The following SH3PXD2A variants were observed in gnomAD, a reference collection of about 807,000 sequenced individuals.
SH3PXD2A encodes the protein SH3 and PX domains 2A.
A neutral mutation model predicts 115.2 loss-of-function variants in SH3PXD2A; 32 were observed. The observed-to-expected ratio is 0.28, with a 90% CI of 0.21 to 0.37. The LOEUF (loss-of-function observed/expected upper bound fraction) is 0.37. Among genes scored for constraint, SH3PXD2A ranks in the 10% least tolerant of loss-of-function variants. The probability of loss-of-function intolerance (pLI) is 1.00; values close to 1 mark genes in which losing one functional copy is unlikely to be tolerated. For synonymous variants in SH3PXD2A, 610 were observed against 629.1 expected, an observed-to-expected ratio of 0.97 and a Z score of 0.45; for missense variants, 1,328 against 1,498.7, an observed-to-expected ratio of 0.89 and a Z score of 1.88.
At chr10:103,733,228 C>T (rs1327080726) in intron 4 of SH3PXD2A, among the ~76,000 whole-genome samples, 1 of 152,170 alleles carries the variant, frequency 6.6e-6, no homozygotes, top group Admixed American at 6.5e-5. Context: ...CCCCCAGCTA[C>T]GCGTGGTACA....
chr10:103,811,231 G>C (rs2039267744), intron 1 of SH3PXD2A, among the ~76,000 whole-genome samples: 1 of 152,192 alleles, frequency 6.6e-6, no homozygotes, highest in Non-Finnish European at 1.5e-5. Flanking sequence ...CCTTTCAAAA[G>C]TTAGGCAGTC....
At chr10:103,710,514 C>A (rs1410022592) in intron 5 of SH3PXD2A, among the ~76,000 whole-genome samples, 1 of 152,134 alleles carries the variant, frequency 6.6e-6, no homozygotes, top group South Asian at 2.1e-4. Flanking sequence ...CTATTTTACT[C>A]CTGGGGGAAC....
At chr10:103,660,729 C>T (rs190107080) in intron 8 of SH3PXD2A, among the ~76,000 whole-genome samples, 105 of 152,350 alleles carry the variant, frequency 6.9e-4, no homozygotes, top group African/African-American at 2.4e-3. Context: ...TTTATTCCCG[C>T]GCTGTGCCTG....
At chr10:103,794,581 G>A (rs2039068956) in intron 2 of SH3PXD2A, among the ~76,000 whole-genome samples, 1 of 152,202 alleles carries the variant, frequency 6.6e-6, no homozygotes, top group Non-Finnish European at 1.5e-5. Context: ...CCACCCGTGA[G>A]AAAGCAACTG....
At chr10:103,656,009 T>G (rs749645526) in intron 8 of SH3PXD2A, among the ~76,000 whole-genome samples, 2 of 152,206 alleles carry the variant, frequency 1.3e-5, no homozygotes. Flanking sequence ...AGAAAGCCCA[T>G]GTAGTATGTA....
intron 13 of SH3PXD2A, 141 bp from the exon 14 acceptor site, chr10:103,606,058 C>T (rs1033393428): frequency 4.5e-5 from 34 of 758,536 alleles, no homozygotes; most frequent in Non-Finnish European, 6.9e-5. Flanking sequence ...GAGTACGTAT[C>T]TATCATGGGA....
chr10:103,721,357 C>A (rs894095690), intron 5 of SH3PXD2A, among the ~76,000 whole-genome samples: 1 of 152,246 alleles, frequency 6.6e-6, no homozygotes, highest in Non-Finnish European at 1.5e-5. Context: ...GCCCCAGAGC[C>A]TGGCCCCACA....
intron 2 of SH3PXD2A, among the ~76,000 whole-genome samples, chr10:103,797,626 C>T (rs971853669): frequency 6.6e-6 from 1 of 150,794 alleles, no homozygotes; most frequent in African/African-American, 2.4e-5. Context: ...GATCTACATG[C>T]AGGGCTTCAC....
chr10:103,631,586 C>G (rs746019861), intron 8 of SH3PXD2A, among the ~76,000 whole-genome samples: 2 of 152,154 alleles, frequency 1.3e-5, no homozygotes, highest in African/African-American at 4.8e-5. Flanking sequence ...GGTCCCCCAT[C>G]GTGAGCCAAA....
chr10:103,773,694 G>C (rs2038852864), intron 2 of SH3PXD2A, among the ~76,000 whole-genome samples: 1 of 152,132 alleles, frequency 6.6e-6, no homozygotes, highest in Non-Finnish European at 1.5e-5. Flanking sequence ...GCCTGCCTCA[G>C]CCTCCCAAAG....
chr10:103,804,391 G>T (rs1372658495), intron 1 of SH3PXD2A, among the ~76,000 whole-genome samples: 1 of 144,140 alleles, frequency 6.9e-6, no homozygotes, highest in African/African-American at 2.7e-5. Flanking sequence ...GCGTGATCTC[G>T]GCTCATTGTG....
chr10:103,696,517 C>T (rs1307603032), intron 5 of SH3PXD2A, among the ~76,000 whole-genome samples: 1 of 152,158 alleles, frequency 6.6e-6, no homozygotes, highest in African/African-American at 2.4e-5. Flanking sequence ...CAGTCCCCTT[C>T]TCCAATCCAC....
At chr10:103,690,100 G>A (rs976924529) in intron 6 of SH3PXD2A, among the ~76,000 whole-genome samples, 1 of 152,090 alleles carries the variant, frequency 6.6e-6, no homozygotes, top group Non-Finnish European at 1.5e-5. Context: ...TCACCCCATC[G>A]GAGCCTCAGC....
intron 2 of SH3PXD2A, among the ~76,000 whole-genome samples, chr10:103,783,176 C>T (rs1328367106): frequency 1.3e-5 from 2 of 152,096 alleles, no homozygotes; most frequent in Non-Finnish European, 2.9e-5. Flanking sequence ...AGGGCCATCA[C>T]CCAGGGCCTG....
Position 103,599,805 on chromosome 10 carries a change from A to G in SH3PXD2A, c.*2011T>C, listed in dbSNP as rs898696956. On this transcript the variant is annotated 3_prime_UTR_variant, in exon 15 of 15. Coordinates refer to ENST00000369774, the MANE Select transcript of SH3PXD2A (RefSeq NM_001394015.1). ...TTAACTCAACATCCTGCTCTATTTA[A>G]TACTGTCCAGCAGAAGAAAATAACT... 1 of 152,668 alleles carries G rather than the reference A, an allele frequency of 6.6e-6. No homozygotes were observed. The highest frequency in any genetic ancestry group is 1.5e-5 in the Non-Finnish European group (1 of 68,048). 9.5% of individuals were successfully genotyped at this position (152,668 alleles called of 1,614,324 possible). A position where few individuals can be genotyped will look rare whatever the true frequency, so the allele number is the denominator to read the frequency against.
At position 103,735,716 on chromosome 10, in the gene SH3PXD2A, C is replaced by T. The variant is rs767977533; in HGVS notation, c.306+16G>A. 92 of 1,594,092 alleles carry T rather than the reference C, an allele frequency of 5.8e-5. 1 individual carries two copies. The highest frequency in any genetic ancestry group is 7.2e-5 in the Non-Finnish European group (84 of 1,162,818). ...CCCTCCCCGAGCCCCTCCCCCAGCC[C>T]CAGATACACTCTCACCCGGCAGTAT... On this transcript the variant is annotated intron_variant, in intron 4 of 14. Coordinates refer to ENST00000369774, the MANE Select transcript of SH3PXD2A (RefSeq NM_001394015.1).
intron 1 of SH3PXD2A, among the ~76,000 whole-genome samples, chr10:103,815,640 C>T (rs1408011504): frequency 6.6e-6 from 1 of 151,774 alleles, no homozygotes; most frequent in Non-Finnish European, 1.5e-5. Flanking sequence ...CCTCTAATCC[C>T]AGCACTCGGG....
At chr10:103,740,859 T>G (rs1039568031) in intron 3 of SH3PXD2A, among the ~76,000 whole-genome samples, 1 of 152,146 alleles carries the variant, frequency 6.6e-6, no homozygotes, top group African/African-American at 2.4e-5. Flanking sequence ...AGCACTGTCT[T>G]GATGGAGGCC....
chr10:103,777,431 C>A lies in SH3PXD2A; in HGVS notation c.154-10262G>T, dbSNP rs547112532. Among the ~76,000 whole-genome samples the A allele has an allele frequency of 6.6e-5, 10 of 152,338 alleles. No individual in the cohort carries two copies. The East Asian group carries it at 1.5e-3, about 23-fold the overall frequency. ...GGCCCCAGGGGAGCTGCCCAGCTGGCGTGCGTGGGCCAGGGTTGGGGAGGA... is the reference window on the plus strand; with the variant it reads ...GGCCCCAGGGGAGCTGCCCAGCTGGAGTGCGTGGGCCAGGGTTGGGGAGGA... On this transcript the variant is annotated intron_variant, in intron 2 of 14. Transcript: ENST00000369774.
Sources: gnomAD v4.1 joint callset for allele counts (sites outside exome capture counted in the v4.1 genomes callset) on GRCh38, gnomAD v4.1.1 for gene constraint, MANE v1.5 for transcripts, NCBI Gene and HGNC (gene_info 2026-07-23, HGNC 2026-07-21) for gene names.